RYR1: variants seen among roughly 807,000 people sequenced by gnomAD.
RYR1 encodes central core disease of muscle.
In RYR1, 342 loss-of-function variants were observed where a neutral mutation model predicts 583.5. The ratio of observed to expected loss-of-function variants is 0.59; its 90% CI spans 0.54 to 0.64. RYR1 has a LOEUF of 0.64. Among genes scored for constraint, RYR1 ranks in the 30% least tolerant of loss-of-function variants. The pLI is 0.00. For synonymous variants in RYR1, 2,791 were observed against 2,822.5 expected (o/e 0.99, Z 0.35); for missense variants, 6,032 against 6,917.2 (o/e 0.87, Z 4.54).
At position 38,450,456 on chromosome 19, in the gene RYR1, A is replaced by G. The variant is rs558273072; in HGVS notation, c.1123-1308A>G. ...GGTCTCACAGCCACAGAGAACAAGG[A>G]CGCAGACACACAAAGAGTGAGGTTA... is the stretch of plus-strand genomic sequence containing the variant. On this transcript the variant is annotated intron_variant, in intron 11 of 105. Coordinates refer to ENST00000359596, the MANE Select transcript of RYR1 (RefSeq NM_000540.3). Among the ~76,000 whole-genome samples, 52 of 152,284 alleles carry G rather than the reference A, an allele frequency of 3.4e-4. 1 individual carries two copies. In the South Asian group the frequency reaches 0.011, roughly 31 times the overall value.
chr19:38,488,126 C>T (rs530330669), intron 34 of RYR1, among the ~76,000 whole-genome samples: 1 of 151,918 alleles, frequency 6.6e-6, no homozygotes, highest in East Asian at 1.9e-4. Context: ...CCCAACTTTT[C>T]ATACACAAAC....
chr19:38,443,656 G>A, intron 4 of RYR1, 24 bp downstream of exon 4: 1 of 1,613,920 alleles, frequency 6.2e-7, no homozygotes, highest in Non-Finnish European at 8.5e-7. Flanking sequence ...CGGTGGGCGT[G>A]GGCAGGGGCC....
At chr19:38,434,398 C>T (rs1478569228) in intron 1 of RYR1, among the ~76,000 whole-genome samples, 2 of 152,064 alleles carry the variant, frequency 1.3e-5, no homozygotes, top group African/African-American at 4.8e-5. Context: ...TTCTTTCCTT[C>T]TTCGTTTTGG....
intron 72 of RYR1, 150 bp from the exon 73 acceptor site, chr19:38,527,497 G>C (rs1971516129): frequency 5.9e-6 from 6 of 1,023,964 alleles, no homozygotes; most frequent in Non-Finnish European, 8.6e-6. Context: ...GTGATGGGGC[G>C]AGGCTCCGTC....
chr19:38,528,840 G>A (rs1029743249), intron 75 of RYR1, 111 bp from the exon 76 acceptor site: 1 of 1,433,484 alleles, frequency 7.0e-7, no homozygotes. Flanking sequence ...ACCAAAGTAG[G>A]GCGCAGGATG....
rs1973329536 is a variant in RYR1, at chr19:38,565,098, G to A, written c.12764G>A (p.Gly4255Asp). ...GCCGCGCAGATCTCGGAGCCCGAGG[G>A]CGAGCCGGAGACCGACGAGGACGAG... ...QIAAQISEPE[G>D]EPETDEDEGA... Residue 4255 changes from glycine to aspartate, a missense_variant, in exon 91 of 106, where the codon GGC becomes GAC. This residue lies in a region of RYR1 where 753 missense variants were observed against 759.6 expected (regional missense o/e 0.99). Transcript: ENST00000359596. The surrounding 1 kb of genome is among the most constrained non-coding windows in gnomAD (Gnocchi z 4.7). 1 of 1,549,228 alleles carries A rather than the reference G, an allele frequency of 6.5e-7. No homozygotes were observed. The highest frequency in any genetic ancestry group is 1.4e-5 in the African/African-American group (1 of 73,374).
chr19:38,573,938 G>C (rs1240881885), intron 96 of RYR1, among the ~76,000 whole-genome samples: 1 of 151,950 alleles, frequency 6.6e-6, no homozygotes, highest in Non-Finnish European at 1.5e-5. Context: ...CAGGTGCAAT[G>C]AGTGCAAAAT....
Position 38,463,837 on chromosome 19 carries a change from G to C in RYR1, c.2773G>C (p.Gly925Arg). Reference sequence around the variant, plus strand: ...GAGGAACTACAACCTGCAGATGTCTGGGGAGACGCTCAAGTGAGGGCCCAG... The same window carrying C: ...GAGGAACTACAACCTGCAGATGTCTCGGGAGACGCTCAAGTGAGGGCCCAG... ...PERNYNLQMS[G>R]ETLKTLLALG... The change falls in exon 22 of 106, where the codon GGG becomes CGG. Residue 925 changes from glycine (G) to arginine (R), a missense_variant. Around this residue, in one of 11 missense-constraint regions of RYR1, gnomAD observed 2,627 missense variants for 2,961.3 expected, o/e 0.89. Coordinates refer to ENST00000359596, the MANE Select transcript of RYR1 (RefSeq NM_000540.3). 1 of 1,613,860 alleles carries C rather than the reference G, an allele frequency of 6.2e-7. No homozygotes were observed. Among genetic ancestry groups the C allele is most frequent in the Non-Finnish European group, 8.5e-7 (1 of 1,179,870 alleles).
intron 89 of RYR1, among the ~76,000 whole-genome samples, chr19:38,549,768 C>T (rs1221342630): frequency 7.9e-6 from 1 of 127,304 alleles, no homozygotes; most frequent in Non-Finnish European, 1.6e-5. Flanking sequence ...TGCAGTGGTG[C>T]AATCTCAGCT....
intron 30 of RYR1, 134 bp from the exon 31 acceptor site, chr19:38,478,301 C>T (rs1370781898): frequency 2.1e-6 from 2 of 973,684 alleles, no homozygotes; most frequent in Non-Finnish European, 3.2e-6. Flanking sequence ...GGTTTCAGCT[C>T]TCAGGTCTGC....
chr19:38,433,933 C>G, intron 1 of RYR1, 59 bp downstream of exon 1: 1 of 1,453,422 alleles, frequency 6.9e-7, no homozygotes, highest in African/African-American at 1.4e-5. Context: ...CTGAGGGTCT[C>G]TCTGTCTCTG....
intron 72 of RYR1, among the ~76,000 whole-genome samples, chr19:38,527,298 G>A (rs1403936536): frequency 6.6e-6 from 1 of 152,196 alleles, no homozygotes; most frequent in Non-Finnish European, 1.5e-5. Context: ...ATCACCTGAG[G>A]TTAGGAGTTC....
Position 38,466,096 on chromosome 19 carries a change from T to G in RYR1, c.2876T>G (p.Met959Arg), listed in dbSNP as rs1395684761. 6.2e-7 allele frequency: 1 copy of G among 1,609,632 alleles called. No homozygotes were observed. The highest frequency in any genetic ancestry group is 2.2e-5 in the East Asian group (1 of 44,632). The change falls in exon 24 of 106, where the codon ATG (methionine) becomes AGG (arginine). Residue 959 changes from methionine to arginine, a missense_variant. Physicochemically the swap from Met to Arg is moderately conservative, Grantham distance 91. Around this residue, in one of 11 missense-constraint regions of RYR1, gnomAD observed 2,627 missense variants for 2,961.3 expected, o/e 0.89. Coordinates refer to ENST00000359596, the MANE Select transcript of RYR1 (RefSeq NM_000540.3). ...GAGCCCTACCATGCCCGCAGGTATA[T>G]GATGAGCAATGGGTACAAGCCGGCT... is the stretch of plus-strand genomic sequence containing the variant. The part of the protein sequence containing the change: ...LKKTKLPKTY[M>R]MSNGYKPAPL...
chr19:38,528,964 A>T lies in RYR1; in HGVS notation c.11048A>T (p.Gln3683Leu), dbSNP rs1600937472. ...CTCTCCCACCAGAAAGCTGGGGAGC[A>T]GGAGGAGGAGGAGGAAGAGGTGGAA... is the stretch of plus-strand genomic sequence containing the variant. ...MIDDLSKAGE[Q>L]EEEEEEVEEK... Residue 3683 changes from glutamine to leucine, a missense_variant, in exon 76 of 106, where the codon CAG becomes CTG. Gln to Leu is a moderately radical substitution (Grantham distance 113). Transcript: ENST00000359596. 1 of 1,533,134 alleles carries T rather than the reference A, an allele frequency of 6.5e-7. No homozygotes were observed. 95.0% of individuals were successfully genotyped at this position (1,533,134 alleles called of 1,614,324 possible). A position where few individuals can be genotyped will look rare whatever the true frequency, so the allele number is the denominator to read the frequency against.
chr19:38,510,595 G>C, intron 59 of RYR1, 30 bp downstream of exon 59: 2 of 1,614,126 alleles, frequency 1.2e-6, no homozygotes, highest in Non-Finnish European at 1.7e-6. Context: ...GCTGGAGGGC[G>C]CTGGGGACTC....
chr19:38,511,392 C>G lies in RYR1; in HGVS notation c.9123-169C>G, dbSNP rs151073874. On this transcript the variant is annotated intron_variant, in intron 60 of 105. Transcript: ENST00000359596. ...GCCTGTGACATTCCAGCTTGCCCATCTCTCTGCCCCTTCCCATCCCTCCTG... is the reference window on the plus strand; with the variant it reads ...GCCTGTGACATTCCAGCTTGCCCATGTCTCTGCCCCTTCCCATCCCTCCTG... 1.6e-4 allele frequency among the ~76,000 whole-genome samples: 24 copies of G among 152,248 alleles called. No homozygotes were observed. The East Asian group carries it at 4.6e-3, about 29-fold the overall frequency.
At chr19:38,531,312 G>A (rs560114168) in intron 76 of RYR1, among the ~76,000 whole-genome samples, 1 of 152,024 alleles carries the variant, frequency 6.6e-6, no homozygotes, top group South Asian at 2.1e-4. Flanking sequence ...AGCGCAAGCT[G>A]TGTGATCCCA....
chr19:38,448,908 T>A (rs8102524), intron 11 of RYR1, 95 bp downstream of exon 11: 2 of 1,199,862 alleles, frequency 1.7e-6, no homozygotes, highest in Non-Finnish European at 2.4e-6. Flanking sequence ...CATGCCACTG[T>A]ACTCCAGCCT....
chr19:38,483,429 C>T lies in RYR1; in HGVS notation c.4847C>T (p.Thr1616Met), dbSNP rs776194441. The T allele has an allele frequency of 5.4e-5, 85 of 1,576,552 alleles. 1 individual carries two copies. The Admixed American group carries it at 8.1e-4, about 15-fold the overall frequency. The change falls in exon 33 of 106, where the codon ACG becomes ATG. Residue 1616 changes from threonine (T) to methionine (M), a missense_variant. This residue lies in a region of RYR1 where 2,627 missense variants were observed against 2,961.3 expected (regional missense o/e 0.89). Transcript: ENST00000359596. This position sits in a 1 kb window ranked among gnomAD's most constrained non-coding sequence, Gnocchi z 6.3. ...CCCAACCACTTCCTGCAGGTGGAGACGAGGCGTGCCGGCGAGCGGCTGGGC... is the reference window on the plus strand; with the variant it reads ...CCCAACCACTTCCTGCAGGTGGAGATGAGGCGTGCCGGCGAGCGGCTGGGC... Reference protein sequence around the residue: ...RMPNHFLQVETRRAGERLGWA... With the variant: ...RMPNHFLQVEMRRAGERLGWA...
Sources: gnomAD v4.1 joint callset for allele counts (sites outside exome capture counted in the v4.1 genomes callset) on GRCh38, gnomAD v4.1.1 for gene constraint, gnomAD v4.1.1 regional missense constraint, Gnocchi (gnomAD v3.1) non-coding constraint, MANE v1.5 for transcripts, NCBI Gene and HGNC (gene_info 2026-07-23, HGNC 2026-07-21) for gene names.